DLC1: variants seen among roughly 807,000 people sequenced by gnomAD.
The protein encoded by DLC1 is DLC1 Rho GTPase activating protein, also known as rho GTPase-activating protein 7.
DLC1 carries 54 observed loss-of-function variants against 140.3 expected under a neutral mutation model. The ratio of observed to expected loss-of-function variants is 0.38; its 90% CI spans 0.31 to 0.48. The LOEUF (loss-of-function observed/expected upper bound fraction) is 0.48, where lower values mean the gene tolerates loss of function less well. Ranked by LOEUF, DLC1 falls within the 20% of genes least tolerant of loss-of-function variation. DLC1 has a pLI of 0.96. For synonymous variants in DLC1, 986 were observed against 728.1 expected, an observed-to-expected ratio of 1.35 and a Z score of -5.70; for missense variants, 2,536 against 1,907.0, an observed-to-expected ratio of 1.33 and a Z score of -6.14.
At chr8:13,093,396 T>G (rs1818247753) in intron 12 of DLC1, among the ~76,000 whole-genome samples, 1 of 152,136 alleles carries the variant, frequency 6.6e-6, no homozygotes, top group Non-Finnish European at 1.5e-5. Context: ...AATATTCAGT[T>G]CAGTTCAATT....
At chr8:13,319,821 CTTT>C (rs57585674) in intron 4 of DLC1, among the ~76,000 whole-genome samples, 2 of 88,978 alleles carry the variant, frequency 2.2e-5, no homozygotes, top group African/African-American at 4.6e-5. Context: ...CTCTCTCTCT[CTTT>C]TTTTTTTTTT....
intron 2 of DLC1, among the ~76,000 whole-genome samples, chr8:13,467,065 G>T (rs1046960982): frequency 1.3e-5 from 2 of 152,052 alleles, no homozygotes; most frequent in Admixed American, 1.3e-4. Context: ...CTACACCAAT[G>T]AATAACATGC....
intron 5 of DLC1, among the ~76,000 whole-genome samples, chr8:13,122,088 C>T (rs528239405): frequency 6.6e-5 from 10 of 152,266 alleles, no homozygotes; most frequent in South Asian, 2.1e-4. Context: ...CCCTCCCTGC[C>T]CCCAACAAAT....
At chr8:13,253,000 C>A (rs1830077531) in intron 5 of DLC1, among the ~76,000 whole-genome samples, 1 of 152,116 alleles carries the variant, frequency 6.6e-6, no homozygotes, top group South Asian at 2.1e-4. Context: ...TATAATGAAG[C>A]TAGAATAGGT....
chr8:13,499,036 G>A lies in DLC1; in HGVS notation c.1023+13C>T, dbSNP rs1361287265. 3 of 1,593,602 alleles carry A rather than the reference G, an allele frequency of 1.9e-6. No individual in the cohort carries two copies. Among genetic ancestry groups the A allele is most frequent in the South Asian group, 1.1e-5 (1 of 88,322 alleles). Reference sequence around the variant, plus strand: ...AAATTTCAAAAGCCAGAGAATCTGTGCATATGTCTTACCTTTCTCTTACGA... The same window carrying A: ...AAATTTCAAAAGCCAGAGAATCTGTACATATGTCTTACCTTTCTCTTACGA... On this transcript the variant is annotated intron_variant, in intron 2 of 17. Transcript: ENST00000276297.
chr8:13,473,640 A>C (rs1022416871), intron 2 of DLC1, among the ~76,000 whole-genome samples: 1 of 151,996 alleles, frequency 6.6e-6, no homozygotes, highest in Non-Finnish European at 1.5e-5. Flanking sequence ...GCTTTGCCCA[A>C]AATGCTGATA....
intron 5 of DLC1, among the ~76,000 whole-genome samples, chr8:13,157,937 A>T (rs531199433): frequency 3.3e-5 from 5 of 152,368 alleles, no homozygotes; most frequent in Admixed American, 1.3e-4. Flanking sequence ...TAGTTTACTC[A>T]CTAGTTTACA....
intron 2 of DLC1, among the ~76,000 whole-genome samples, chr8:13,448,369 C>CTTCTT (rs760341572): frequency 2.6e-4 from 37 of 143,888 alleles, no homozygotes; most frequent in Admixed American, 1.0e-3. Flanking sequence ...TCTTCTTCTT[C>CTTCTT]TTTTTTTTTT....
At chr8:13,218,660 C>T (rs568148278) in intron 5 of DLC1, among the ~76,000 whole-genome samples, 19 of 150,968 alleles carry the variant, frequency 1.3e-4, no homozygotes, top group Admixed American at 1.1e-3. Flanking sequence ...AACTGGTTCA[C>T]GCATTGCTAA....
chr8:13,166,020 T>C (rs986595380), intron 5 of DLC1, among the ~76,000 whole-genome samples: 4 of 152,052 alleles, frequency 2.6e-5, no homozygotes, highest in Admixed American at 2.6e-4. Context: ...TGGAAAGAGG[T>C]TGTATTTCCA....
Position 13,524,223 on chromosome 8 carries a change from C to T in DLC1, c.-125-24027G>A, listed in dbSNP as rs543136458. 1.8e-3 allele frequency among the ~76,000 whole-genome samples: 274 copies of T among 151,282 alleles called. 3 individuals carry two copies. Among genetic ancestry groups the T allele is most frequent in the Non-Finnish European group, 1.6e-3 (110 of 67,850 alleles). ...CGCTATCTGGGCTCAATGCAAACTCCGCCTTCAGGGTTCAAGTAATTCTCC... is the reference window on the plus strand; with the variant it reads ...CGCTATCTGGGCTCAATGCAAACTCTGCCTTCAGGGTTCAAGTAATTCTCC... On this transcript the variant is annotated intron_variant, in intron 1 of 1. Transcript: ENST00000631382.
intron 4 of DLC1, among the ~76,000 whole-genome samples, chr8:13,337,504 A>G (rs1833854999): frequency 6.6e-6 from 1 of 152,182 alleles, no homozygotes; most frequent in Admixed American, 6.6e-5. Context: ...TGATTTGACA[A>G]TCACATTAAC....
chr8:13,377,164 C>T (rs183876045), intron 4 of DLC1, among the ~76,000 whole-genome samples: 4 of 152,224 alleles, frequency 2.6e-5, no homozygotes, highest in Non-Finnish European at 5.9e-5. Context: ...TTCTCAAGTC[C>T]AAGGGCAGCA....
At chr8:13,589,012 C>A (rs532931418) in intron 1 of DLC1, among the ~76,000 whole-genome samples, 6 of 152,134 alleles carry the variant, frequency 3.9e-5, no homozygotes, top group Non-Finnish European at 7.4e-5. Context: ...AGTTCTGGAC[C>A]ATATCCATTC....
chr8:13,395,308 A>T (rs1836986154), intron 3 of DLC1, among the ~76,000 whole-genome samples: 1 of 151,992 alleles, frequency 6.6e-6, no homozygotes, highest in African/African-American at 2.4e-5. Flanking sequence ...TTTTTAGTAG[A>T]GACGGGGTTT....
chr8:13,158,793 T>G (rs1467801593), intron 5 of DLC1, among the ~76,000 whole-genome samples: 1 of 145,782 alleles, frequency 6.9e-6, no homozygotes, highest in Non-Finnish European at 1.5e-5. Flanking sequence ...CTTATTTTTC[T>G]TTGACACCTC....
intron 5 of DLC1, among the ~76,000 whole-genome samples, chr8:13,226,116 GT>G (rs1828787329): frequency 6.6e-6 from 1 of 152,086 alleles, no homozygotes; most frequent in Non-Finnish European, 1.5e-5. Context: ...ATCTTGCTGT[GT>G]TGCCCAGGCT....
intron 5 of DLC1, among the ~76,000 whole-genome samples, chr8:13,173,304 C>T (rs1246246312): frequency 6.7e-6 from 1 of 149,122 alleles, no homozygotes; most frequent in Admixed American, 6.7e-5. Context: ...CGAGAGCAGT[C>T]TAATTATTTA....
intron 4 of DLC1, among the ~76,000 whole-genome samples, chr8:13,334,849 T>A (rs903852467): frequency 1.3e-5 from 2 of 152,216 alleles, no homozygotes; most frequent in African/African-American, 4.8e-5. Flanking sequence ...TATTTATCAA[T>A]GCCTATTATG....
Sources: gnomAD v4.1 joint callset for allele counts (sites outside exome capture counted in the v4.1 genomes callset) on GRCh38, gnomAD v4.1.1 for gene constraint, MANE v1.5 for transcripts, NCBI Gene and HGNC (gene_info 2026-07-23, HGNC 2026-07-21) for gene names.